PAPPA: variants seen among roughly 807,000 people sequenced by gnomAD.
The protein encoded by PAPPA is pappalysin-1.
In PAPPA, 60 loss-of-function variants were observed where a neutral mutation model predicts 164.0. The ratio of observed to expected loss-of-function variants is 0.37; its 90% CI spans 0.30 to 0.45. The LOEUF (loss-of-function observed/expected upper bound fraction) is 0.45. Among genes scored for constraint, PAPPA ranks in the 20% least tolerant of loss-of-function variants. The pLI is 1.00. For synonymous variants in PAPPA, 875 were observed against 814.1 expected (o/e 1.07, Z -1.27); for missense variants, 1,782 against 2,087.3 (o/e 0.85, Z 2.85).
At chr9:116,281,612 A>G (rs16933392) in intron 9 of PAPPA, among the ~76,000 whole-genome samples, 2,581 of 152,266 alleles carry the variant, frequency 0.017, 75 homozygotes, top group African/African-American at 0.059. Context: ...CTGTATTGAT[A>G]TTTATGGAGA....
chr9:116,314,278 C>T (rs753806971), intron 10 of PAPPA, among the ~76,000 whole-genome samples: 3 of 151,674 alleles, frequency 2.0e-5, no homozygotes, highest in Non-Finnish European at 2.9e-5. Context: ...ACCATGTTGG[C>T]CAGGATGGTC....
chr9:116,336,280 C>A (rs758466822), intron 13 of PAPPA, among the ~76,000 whole-genome samples: 26 of 152,080 alleles, frequency 1.7e-4, no homozygotes, highest in Non-Finnish European at 3.8e-4. Context: ...CTTTCCCACG[C>A]CCCTGTTACC....
intron 1 of PAPPA, among the ~76,000 whole-genome samples, chr9:116,159,405 T>C (rs1462389803): frequency 6.6e-6 from 1 of 152,116 alleles, no homozygotes; most frequent in Non-Finnish European, 1.5e-5. Context: ...CCCTCTTGAG[T>C]TGCTGGGGAG....
chr9:116,251,176 AT>A (rs1371204630), intron 7 of PAPPA, among the ~76,000 whole-genome samples: 29 of 152,370 alleles, frequency 1.9e-4, no homozygotes, highest in African/African-American at 6.7e-4. Flanking sequence ...CTTCGTGGAC[AT>A]CAAATAGCTC....
intron 1 of PAPPA, among the ~76,000 whole-genome samples, chr9:116,170,307 T>A (rs1843762202): frequency 6.6e-6 from 1 of 152,234 alleles, no homozygotes; most frequent in African/African-American, 2.4e-5. Flanking sequence ...TTCCTTCATC[T>A]GTACCCTTGT....
At chr9:116,166,128 A>G (rs750458557) in intron 1 of PAPPA, among the ~76,000 whole-genome samples, 37 of 152,316 alleles carry the variant, frequency 2.4e-4, no homozygotes, top group South Asian at 4.1e-4. Context: ...ATGACCTAGC[A>G]TGTGCATCAC....
At chr9:116,250,778 G>A (rs1475517639) in intron 7 of PAPPA, among the ~76,000 whole-genome samples, 3 of 152,196 alleles carry the variant, frequency 2.0e-5, no homozygotes, top group Non-Finnish European at 4.4e-5. Context: ...GAGTCACACA[G>A]CCATTCAATG....
intron 9 of PAPPA, among the ~76,000 whole-genome samples, chr9:116,300,167 T>C (rs528379531): frequency 6.6e-6 from 1 of 152,352 alleles, no homozygotes; most frequent in East Asian, 1.9e-4. Flanking sequence ...TCTTTCTATA[T>C]TGAACTGCCA....
In PAPPA at chr9:116,273,559, T is replaced by C. The variant is rs190975842; in HGVS notation, c.2953+2143T>C. ...GTTTACTGGAGCCAGGTGCAGAGAG[T>C]AGGTGAAAATTATAATGTGGTTCAC... is the stretch of plus-strand genomic sequence containing the variant. On this transcript the variant is annotated intron_variant, in intron 9 of 21. Transcript: ENST00000328252. Among the ~76,000 whole-genome samples the C allele has an allele frequency of 2.3e-3, 345 of 152,198 alleles. 2 individuals carry two copies. The South Asian group carries it at 0.039, about 17-fold the overall frequency.
At chr9:116,349,667 C>T (rs746425878) in intron 15 of PAPPA, among the ~76,000 whole-genome samples, 5 of 152,170 alleles carry the variant, frequency 3.3e-5, no homozygotes, top group Non-Finnish European at 5.9e-5. Context: ...TGTTTTAATG[C>T]TCATTAGAGA....
intron 21 of PAPPA, among the ~76,000 whole-genome samples, chr9:116,387,262 G>GTGA (rs1349180611): frequency 6.6e-5 from 10 of 152,330 alleles, no homozygotes; most frequent in African/African-American, 2.2e-4. Flanking sequence ...TTTGTACAAG[G>GTGA]TGATAGAGCT....
chr9:116,222,058 T>C (rs903796508), intron 5 of PAPPA, among the ~76,000 whole-genome samples: 4 of 152,170 alleles, frequency 2.6e-5, no homozygotes, highest in Non-Finnish European at 4.4e-5. Flanking sequence ...GAAAATAGTA[T>C]GGGGGTTCCT....
Position 116,154,507 on chromosome 9 carries a change from T to G in PAPPA, c.335T>G (p.Leu112Arg). Residue 112 changes from leucine to arginine, a missense_variant, in exon 1 of 22, where the codon CTC becomes CGC. Physicochemically the swap from Leu to Arg is moderately radical, Grantham distance 102. Coordinates refer to ENST00000328252, the MANE Select transcript of PAPPA (RefSeq NM_002581.5). This position sits in a 1 kb window ranked among gnomAD's most constrained non-coding sequence, Gnocchi z 5.2. ...RGEQLRLRAD[L>R]ELPRDAFTLQ... ...GAGCAGCTGCGCCTCCGGGCCGACC[T>G]CGAGCTGCCCCGGGACGCGTTCACG... 1 of 1,374,832 alleles carries G rather than the reference T, an allele frequency of 7.3e-7. No homozygotes were observed. The highest frequency in any genetic ancestry group is 9.4e-7 in the Non-Finnish European group (1 of 1,061,748). The allele number at this position is 1,374,832 out of a possible 1,614,324, so 85.2% of individuals were successfully genotyped here.
intron 1 of PAPPA, among the ~76,000 whole-genome samples, chr9:116,163,141 G>C (rs746221314): frequency 6.6e-6 from 1 of 152,188 alleles, no homozygotes; most frequent in Non-Finnish European, 1.5e-5. Flanking sequence ...AAACATCTCC[G>C]CCCTCAGGGA....
intron 7 of PAPPA, among the ~76,000 whole-genome samples, chr9:116,263,839 A>G (rs1845032352): frequency 1.3e-5 from 2 of 152,206 alleles, no homozygotes; most frequent in South Asian, 2.1e-4. Context: ...ATTCACAAAT[A>G]TTAGCCAACC....
intron 2 of PAPPA, among the ~76,000 whole-genome samples, chr9:116,204,596 T>C (rs925822387): frequency 2.1e-4 from 32 of 151,950 alleles, no homozygotes; most frequent in African/African-American, 7.3e-4. Context: ...TTGAATTTTT[T>C]GTAAAGATGG....
intron 13 of PAPPA, among the ~76,000 whole-genome samples, chr9:116,339,144 A>G (rs1208814972): frequency 6.6e-6 from 1 of 152,218 alleles, no homozygotes; most frequent in Non-Finnish European, 1.5e-5. Context: ...ATATTAGTCC[A>G]TAAACAATCT....
At chr9:116,227,225 A>T (rs551818289) in intron 5 of PAPPA, among the ~76,000 whole-genome samples, 2 of 152,324 alleles carry the variant, frequency 1.3e-5, no homozygotes, top group South Asian at 4.1e-4. Context: ...AACAGAAGCC[A>T]CTTAGGCTCA....
intron 7 of PAPPA, among the ~76,000 whole-genome samples, chr9:116,264,058 C>A (rs537555976): frequency 6.6e-6 from 1 of 152,186 alleles, no homozygotes; most frequent in East Asian, 1.9e-4. Flanking sequence ...AAATATAAAG[C>A]ATGCCTCTGT....
Sources: allele counts gnomAD v4.1 joint callset (sites outside exome capture counted in the v4.1 genomes callset), GRCh38; gene constraint gnomAD v4.1.1; non-coding constraint Gnocchi (gnomAD v3.1); transcripts MANE v1.5; gene names NCBI Gene and HGNC (gene_info 2026-07-23, HGNC 2026-07-21).